The following CSMD3 variants were observed in gnomAD, a reference collection of about 807,000 sequenced individuals.
CSMD3 encodes the protein CUB and sushi domain-containing protein 3.
A neutral mutation model predicts 435.2 loss-of-function variants in CSMD3; 177 were observed. The ratio of observed to expected loss-of-function variants is 0.41; its 90% CI spans 0.36 to 0.46. CSMD3 has a LOEUF of 0.46. Ranked by LOEUF, CSMD3 falls within the 20% of genes least tolerant of loss-of-function variation. CSMD3 has a pLI of 0.34. For synonymous variants in CSMD3, 1,656 were observed against 1,520.5 expected (o/e 1.09, Z -2.07); for missense variants, 4,265 against 4,504.6 (o/e 0.95, Z 1.52).
rs185979034 is a variant in CSMD3, at chr8:112,295,005, A to T, written c.8614+828T>A. 3.2e-4 allele frequency among the ~76,000 whole-genome samples: 49 copies of T among 152,208 alleles called. No individual in the cohort carries two copies. The East Asian group carries it at 9.3e-3, about 29-fold the overall frequency. The stretch of plus-strand genomic sequence containing the variant: ...GAGATTTTGGTGTACCCATCACCTG[A>T]GGAGTATACACTGTACCCAATGTGT... On this transcript the variant is annotated intron_variant, in intron 54 of 70. Transcript: ENST00000297405.
intron 6 of CSMD3, among the ~76,000 whole-genome samples, chr8:112,980,854 T>C (rs528310296): frequency 4.8e-4 from 73 of 151,646 alleles, no homozygotes; most frequent in African/African-American, 1.8e-3. Flanking sequence ...CTGGCTACCA[T>C]AGTATTCAAC....
chr8:112,692,189 T>C (rs1341943955), intron 13 of CSMD3, among the ~76,000 whole-genome samples: 1 of 152,102 alleles, frequency 6.6e-6, no homozygotes, highest in Non-Finnish European at 1.5e-5. Context: ...ATTATATTGC[T>C]ATTCTTTTTT....
chr8:113,331,391 T>C (rs1026943493), intron 1 of CSMD3, among the ~76,000 whole-genome samples: 4 of 151,694 alleles, frequency 2.6e-5, no homozygotes, highest in Non-Finnish European at 5.9e-5. Context: ...TTTCACAAAC[T>C]CTTTCACAAA....
At chr8:113,024,153 G>C (rs1288301981) in intron 5 of CSMD3, among the ~76,000 whole-genome samples, 2 of 151,984 alleles carry the variant, frequency 1.3e-5, no homozygotes, top group Non-Finnish European at 2.9e-5. Flanking sequence ...TTCTGAATAT[G>C]GGTGAGAACA....
chr8:112,296,110 C>T (rs1261340506), intron 53 of CSMD3, 104 bp from the exon 54 acceptor site: 1 of 880,238 alleles, frequency 1.1e-6, no homozygotes, highest in African/African-American at 1.7e-5. Flanking sequence ...GTCTTAAAAG[C>T]AAGCAACAAA....
intron 7 of CSMD3, among the ~76,000 whole-genome samples, chr8:112,960,710 T>G (rs768848275): frequency 6.6e-6 from 1 of 151,766 alleles, no homozygotes; most frequent in Non-Finnish European, 1.5e-5. Context: ...AAAAAAGTTC[T>G]TAAAGTACAG....
chr8:113,281,203 G>C (rs1395425080), intron 2 of CSMD3, among the ~76,000 whole-genome samples: 1 of 151,772 alleles, frequency 6.6e-6, no homozygotes, highest in Non-Finnish European at 1.5e-5. Context: ...CCAAGGTAAA[G>C]TTTAAATCCA....
At chr8:112,488,881 C>A (rs1032501510) in intron 31 of CSMD3, among the ~76,000 whole-genome samples, 9 of 152,152 alleles carry the variant, frequency 5.9e-5, no homozygotes, top group Non-Finnish European at 8.8e-5. Flanking sequence ...GAGGGGCCAT[C>A]ATAGCAATCA....
intron 32 of CSMD3, among the ~76,000 whole-genome samples, chr8:112,449,510 C>A (rs1397789349): frequency 6.6e-6 from 1 of 152,098 alleles, no homozygotes; most frequent in Non-Finnish European, 1.5e-5. Flanking sequence ...AGAATATGCG[C>A]CGAGTGCTAT....
intron 20 of CSMD3, among the ~76,000 whole-genome samples, chr8:112,639,544 C>G (rs1586862964): frequency 6.6e-6 from 1 of 152,182 alleles, no homozygotes; most frequent in Admixed American, 6.6e-5. Flanking sequence ...ACAATAATAC[C>G]AACACCCAGC....
At chr8:113,263,420 A>G (rs1010720257) in intron 3 of CSMD3, among the ~76,000 whole-genome samples, 2 of 152,114 alleles carry the variant, frequency 1.3e-5, no homozygotes, top group African/African-American at 4.8e-5. Context: ...TTTGAGGTCA[A>G]TTCACATTTC....
intron 22 of CSMD3, among the ~76,000 whole-genome samples, chr8:112,624,928 T>C (rs946230739): frequency 6.6e-6 from 1 of 152,024 alleles, no homozygotes; most frequent in Admixed American, 6.6e-5. Flanking sequence ...TCTTTTTAGG[T>C]ATTTATTTGT....
intron 10 of CSMD3, among the ~76,000 whole-genome samples, chr8:112,877,531 G>A (rs1476704003): frequency 6.6e-6 from 1 of 152,034 alleles, no homozygotes; most frequent in Non-Finnish European, 1.5e-5. Context: ...GCCTCCCAAA[G>A]TGCTGGGATT....
At chr8:112,474,197 A>C (rs2130764236) in intron 31 of CSMD3, among the ~76,000 whole-genome samples, 1 of 152,290 alleles carries the variant, frequency 6.6e-6, no homozygotes, top group South Asian at 2.1e-4. Context: ...CAAACAAAAC[A>C]AAAACTACAG....
intron 49 of CSMD3, among the ~76,000 whole-genome samples, chr8:112,312,589 T>C (rs1822093739): frequency 6.6e-6 from 1 of 152,130 alleles, no homozygotes. Flanking sequence ...TCTACTTTGA[T>C]TGCATAATAA....
rs758501811 is a variant in CSMD3, at chr8:112,829,754, C to A, written c.1791G>T (p.Glu597Asp). 5.6e-6 allele frequency: 9 copies of A among 1,612,842 alleles called. No individual in the cohort carries two copies. Among genetic ancestry groups the A allele is most frequent in the Non-Finnish European group, 6.8e-6 (8 of 1,178,978 alleles). The change falls in exon 12 of 71, where the codon GAG becomes GAT. Residue 597 changes from glutamate to aspartate, a missense_variant. By Grantham distance (45) the Glu-to-Asp change is conservative (BLOSUM62 2). Transcript: ENST00000297405. ...CAATTGTCAAGGTATCATAGCCAAT[C>A]TCCAGATCAAATTCTTCAAAATTTA... Reference protein sequence around the residue: ...IQINFEEFDLEIGYDTLTIGD... With the variant: ...IQINFEEFDLDIGYDTLTIGD...
chr8:112,650,143 T>C lies in CSMD3; in HGVS notation c.3193+18A>G, dbSNP rs748488280. ...TGTTTATAAATCAGCATATTTTGCA[T>C]GTCAAATGAGTTATTACCATCACAG... On this transcript the variant is annotated intron_variant, in intron 19 of 70. Coordinates refer to ENST00000297405, the MANE Select transcript of CSMD3 (RefSeq NM_198123.2). 5.7e-6 allele frequency: 9 copies of C among 1,571,186 alleles called. No individual in the cohort carries two copies. The highest frequency in any genetic ancestry group is 7.9e-6 in the Non-Finnish European group (9 of 1,141,032).
rs60067756 is a variant in CSMD3, at chr8:112,564,141, AT to A, written c.4043-7188del. ...TTGGCCCATGTTTTTGTTTTAGGTTATTTTTTTTTTTTCTTATTGACTTGTA... is the reference window on the plus strand; with the variant it reads ...TTGGCCCATGTTTTTGTTTTAGGTTATTTTTTTTTTTCTTATTGACTTGTA... On this transcript the variant is annotated intron_variant, in intron 24 of 70. Coordinates refer to ENST00000297405, the MANE Select transcript of CSMD3 (RefSeq NM_198123.2). Among the ~76,000 whole-genome samples the A allele has an allele frequency of 5.6e-3, 790 of 141,976 alleles. 2 individuals are homozygous for A. Among genetic ancestry groups the A allele is most frequent in the Non-Finnish European group, 6.2e-3 (395 of 64,180 alleles). The allele number at this position is 141,976 out of a possible 152,430, so 93.1% of individuals were successfully genotyped here.
intron 10 of CSMD3, among the ~76,000 whole-genome samples, chr8:112,890,760 T>C (rs1201941129): frequency 2.0e-5 from 3 of 151,704 alleles, no homozygotes; most frequent in African/African-American, 7.3e-5. Flanking sequence ...CTCAGCCATA[T>C]AACTTGTTTC....
Sources: gnomAD v4.1 joint callset for allele counts (sites outside exome capture counted in the v4.1 genomes callset) on GRCh38, gnomAD v4.1.1 for gene constraint, MANE v1.5 for transcripts, NCBI Gene and HGNC (gene_info 2026-07-23, HGNC 2026-07-21) for gene names.